The following CARD8 variants were observed in gnomAD, a reference collection of about 807,000 sequenced individuals.
CARD8 encodes the protein caspase recruitment domain family member 8.
In CARD8, 38 loss-of-function variants were observed where a neutral mutation model predicts 53.2. The ratio of observed to expected loss-of-function variants is 0.71; its 90% CI spans 0.55 to 0.94. The LOEUF (loss-of-function observed/expected upper bound fraction) is 0.94, where lower values mean the gene tolerates loss of function less well. CARD8 is among the 40% of genes least tolerant of loss of function. The pLI is 0.00. For missense variants in CARD8, 561 were observed against 655.5 expected (o/e 0.86, Z 1.57); for synonymous variants, 245 against 244.9 (o/e 1.00, Z 0.00).
Position 48,208,874 on chromosome 19 carries a change from C to T in CARD8, c.*2836G>A, listed in dbSNP as rs1170017206. ...TGGCATGCACCTGTAGTCCTAGCTA[C>T]TCAGGAGGCTGAGGCAAGAGAATCG... On this transcript the variant is annotated 3_prime_UTR_variant, in exon 14 of 14. Transcript: ENST00000651546. 2.0e-5 allele frequency: 3 copies of T among 149,412 alleles called. No individual in the cohort carries two copies. The highest frequency in any genetic ancestry group is 7.4e-5 in the African/African-American group (3 of 40,412). The allele number at this position is 149,412 out of a possible 1,614,324, so 9.3% of individuals were successfully genotyped here.
intron 1 of CARD8, among the ~76,000 whole-genome samples, chr19:48,253,320 C>T (rs1020653910): frequency 1.1e-4 from 17 of 152,000 alleles, no homozygotes; most frequent in African/African-American, 3.6e-4. Context: ...CCTGGCCTCA[C>T]GTGATCCACC....
intron 6 of CARD8, chr19:48,232,828 TTA>T (rs1439773133): frequency 2.1e-6 from 1 of 485,394 alleles, no homozygotes; most frequent in South Asian, 1.6e-5. Context: ...GAAGATATTT[TTA>T]TCCACATTTA....
chr19:48,217,898 T>C (rs1177495945), intron 12 of CARD8, among the ~76,000 whole-genome samples: 1 of 152,232 alleles, frequency 6.6e-6, no homozygotes, highest in Non-Finnish European at 1.5e-5. Flanking sequence ...TTTCCAGAAC[T>C]TTTTAACAGA....
intron 10 of CARD8, among the ~76,000 whole-genome samples, chr19:48,225,949 A>T (rs1337653389): frequency 1.3e-5 from 2 of 150,308 alleles, no homozygotes; most frequent in African/African-American, 4.9e-5. Context: ...GCTACTCAGG[A>T]GGCTGAGACA....
intron 11 of CARD8, among the ~76,000 whole-genome samples, chr19:48,219,677 T>A (rs969581782): frequency 2.0e-5 from 3 of 152,114 alleles, no homozygotes; most frequent in African/African-American, 7.2e-5. Context: ...TCGCTCAAGA[T>A]CATCACCTCT....
rs893154117 is a variant in CARD8 at position 48,239,625 on chromosome 19, G to A, written c.60-1093C>T. On this transcript the variant is annotated intron_variant, in intron 4 of 13. Transcript: ENST00000651546. ...CGAGTAGCTGGGATTACAAGTGCCC[G>A]CCACCATGCCCAGCTAATTTTTATA... Among the ~76,000 whole-genome samples, 4 of 151,852 alleles carry A rather than the reference G, an allele frequency of 2.6e-5. No homozygotes were observed. The South Asian group carries it at 6.2e-4, about 24-fold the overall frequency.
In CARD8 at chr19:48,238,603, T is replaced by A. The variant is rs2044346131; in HGVS notation, c.60-71A>T. The A allele has an allele frequency of 2.1e-6, 3 of 1,431,438 alleles. No homozygotes were observed. In the South Asian group the frequency reaches 3.8e-5, roughly 18 times the overall value. The allele number at this position is 1,431,438 out of a possible 1,614,324, so 88.7% of individuals were successfully genotyped here. A position where few individuals can be genotyped will look rare whatever the true frequency, so the allele number is the denominator to read the frequency against. Reference sequence around the variant, plus strand: ...CTCGATGGTGGGACAATCTCCTCACTGTGATGTAGCGAAAGTAGCCCGATC... The same window carrying A: ...CTCGATGGTGGGACAATCTCCTCACAGTGATGTAGCGAAAGTAGCCCGATC... On this transcript the variant is annotated intron_variant, in intron 4 of 13. Coordinates refer to ENST00000651546, the MANE Select transcript of CARD8 (RefSeq NM_001184900.3).
chr19:48,221,790 G>C lies in CARD8; in HGVS notation c.1101C>G (p.Pro367=). 6.2e-7 allele frequency: 1 copy of C among 1,607,606 alleles called. No individual in the cohort carries two copies. The highest frequency in any genetic ancestry group is 2.2e-5 in the East Asian group (1 of 44,824). ...CAATATAACTGGAACCAAAGTTCAG[G>C]GGTTCCATTGGGGGCGAAGTCTGCA... The part of the protein sequence containing the change: ...VRLQTSPPME[P]LNFGSSYIVS... The change falls in exon 11 of 14, where the codon CCC becomes CCG. Residue 367 remains proline (P), a synonymous_variant. Transcript: ENST00000651546.
rs961251774 is a variant in CARD8 at position 48,223,694 on chromosome 19, T to C, written c.1036-1839A>G. The stretch of plus-strand genomic sequence containing the variant: ...TGCTAGGGTTATGATTACGGACAGA[T>C]TTCTGTAGGTGTTGAGAGACATACC... On this transcript the variant is annotated intron_variant, in intron 10 of 13. Coordinates refer to ENST00000651546, the MANE Select transcript of CARD8 (RefSeq NM_001184900.3). 1.7e-5 allele frequency: 6 copies of C among 359,134 alleles called. No individual in the cohort carries two copies. The East Asian group carries it at 2.3e-4, about 14-fold the overall frequency. 22.2% of individuals were successfully genotyped at this position (359,134 alleles called of 1,614,324 possible). A position where few individuals can be genotyped will look rare whatever the true frequency, so the allele number is the denominator to read the frequency against.
chr19:48,221,300 T>G (rs929354749), intron 11 of CARD8, among the ~76,000 whole-genome samples: 2 of 152,240 alleles, frequency 1.3e-5, no homozygotes, highest in African/African-American at 4.8e-5. Flanking sequence ...AGTAAATCTG[T>G]ATGTAGGAAT....
intron 3 of CARD8, among the ~76,000 whole-genome samples, chr19:48,243,508 A>C (rs1169911580): frequency 6.6e-6 from 1 of 152,182 alleles, no homozygotes; most frequent in Non-Finnish European, 1.5e-5. Context: ...TTCATGTTTA[A>C]TTATTATGCT....
At chr19:48,233,464 G>T in intron 6 of CARD8, 1 of 454,618 alleles carries the variant, frequency 2.2e-6, no homozygotes, top group South Asian at 1.6e-5. Context: ...GATTCTGTGG[G>T]CAAGCCAAGC....
At chr19:48,233,374 C>CA (rs1368316052) in intron 6 of CARD8, 1 of 456,226 alleles carries the variant, frequency 2.2e-6, no homozygotes, top group Admixed American at 2.3e-5. Flanking sequence ...GAGAAACTGA[C>CA]ACGTGGATTA....
intron 11 of CARD8, 140 bp from the exon 12 acceptor site, chr19:48,219,152 A>G: frequency 2.8e-6 from 2 of 705,362 alleles, no homozygotes; most frequent in Non-Finnish European, 4.8e-6. Context: ...GGAGAGAGGT[A>G]AACAGCTCTT....
chr19:48,252,044 C>G (rs1361830936), intron 1 of CARD8, among the ~76,000 whole-genome samples: 1 of 152,132 alleles, frequency 6.6e-6, no homozygotes, highest in Non-Finnish European at 1.5e-5. Context: ...ATTATTTCAT[C>G]ATGCTACCCA....
chr19:48,237,486 A>G (rs760760550), intron 5 of CARD8, among the ~76,000 whole-genome samples: 1 of 152,102 alleles, frequency 6.6e-6, no homozygotes, highest in Non-Finnish European at 1.5e-5. Flanking sequence ...CATCCAAATC[A>G]TATCGCTATT....
At chr19:48,253,165 C>G (rs1293115683) in intron 1 of CARD8, among the ~76,000 whole-genome samples, 6 of 152,110 alleles carry the variant, frequency 3.9e-5, no homozygotes, top group Admixed American at 1.3e-4. Flanking sequence ...AAGAATAGGA[C>G]TGGTTAAGAG....
rs759641064 is a variant in CARD8, at chr19:48,230,875, T to C, written c.674A>G (p.His225Arg). 1.4e-5 allele frequency: 22 copies of C among 1,614,050 alleles called. No individual in the cohort carries two copies. In the East Asian group the frequency reaches 4.7e-4, roughly 34 times the overall value. ...SQHLALDLQH[H>R]EQWLVGGPLF... is the part of the protein sequence containing the mutation. ...GGGGCCGCCCACCAGCCACTGTTCA[T>C]GGTGCTGCAGGTCCAGGGCCAGGTG... The change falls in exon 9 of 14, where the codon CAT (histidine) becomes CGT (arginine). Residue 225 changes from histidine (H) to arginine (R), a missense_variant. Physicochemically the swap from His to Arg is conservative, Grantham distance 29. Transcript: ENST00000651546.
downstream of CARD8, among the ~76,000 whole-genome samples, chr19:48,204,617 C>G (rs1195854235): frequency 6.6e-6 from 1 of 152,054 alleles, no homozygotes; most frequent in Non-Finnish European, 1.5e-5. Flanking sequence ...GTTGACAGTA[C>G]TGGTAAACAG....
Sources: allele counts gnomAD v4.1 joint callset (sites outside exome capture counted in the v4.1 genomes callset), GRCh38; gene constraint gnomAD v4.1.1; transcripts MANE v1.5; gene names NCBI Gene and HGNC (gene_info 2026-07-23, HGNC 2026-07-21).